Variants in RPA3 observed in about 807,000 individuals in gnomAD.
The protein encoded by RPA3 is replication protein A3, also known as replication protein A 14 kDa subunit.
In RPA3, 24 loss-of-function variants were observed where a neutral mutation model predicts 13.7. The ratio of observed to expected loss-of-function variants is 1.75; its 90% CI spans 1.27 to 2.46. The LOEUF (loss-of-function observed/expected upper bound fraction) is 2.46. Among genes scored for constraint, RPA3 ranks in the 30% most tolerant of loss-of-function variants. RPA3 has a pLI of 0.00. For missense variants in RPA3, 183 were observed against 151.0 expected (o/e 1.21, Z -1.11); for synonymous variants, 59 against 51.2 (o/e 1.15, Z -0.65).
chr7:7,690,609 A>C lies in RPA3; in HGVS notation c.-1027-3281T>G, dbSNP rs575252229. Among the ~76,000 whole-genome samples, 10 of 152,318 alleles carry C rather than the reference A, an allele frequency of 6.6e-5. No individual in the cohort carries two copies. The South Asian group carries it at 2.1e-3, about 32-fold the overall frequency. Reference sequence around the variant, plus strand: ...GAGCTAAAAGGACATCTTAGGGATAATTCTAAACAGCCACATATGTAAATA... The same window carrying C: ...GAGCTAAAAGGACATCTTAGGGATACTTCTAAACAGCCACATATGTAAATA... On this transcript the variant is annotated intron_variant, in intron 2 of 7. Coordinates refer to ENST00000223129, the MANE Select transcript of RPA3 (RefSeq NM_002947.5).
intron 2 of RPA3, among the ~76,000 whole-genome samples, chr7:7,714,943 AAAC>A (rs920648661): frequency 1.1e-4 from 16 of 151,498 alleles, no homozygotes; most frequent in East Asian, 3.9e-4. Context: ...CACTAGAATT[AAAC>A]AACAACAACA....
At chr7:7,686,777 G>A (rs1038380586) in intron 3 of RPA3, among the ~76,000 whole-genome samples, 2 of 152,144 alleles carry the variant, frequency 1.3e-5, no homozygotes, top group African/African-American at 4.8e-5. Flanking sequence ...TTCCAGTTAG[G>A]TGTGAAGATT....
intron 4 of RPA3, among the ~76,000 whole-genome samples, chr7:7,655,798 T>C (rs1394849084): frequency 6.6e-6 from 1 of 150,594 alleles, no homozygotes; most frequent in Non-Finnish European, 1.5e-5. Context: ...AGGTATATAG[T>C]AAGTGTATAT....
intron 4 of RPA3, among the ~76,000 whole-genome samples, chr7:7,656,049 G>T (rs561682650): frequency 6.6e-6 from 1 of 152,124 alleles, no homozygotes; most frequent in South Asian, 2.1e-4. Context: ...TGGTCAGGCT[G>T]GTCTCAAACT....
chr7:7,683,709 G>A (rs13228561), intron 4 of RPA3, among the ~76,000 whole-genome samples: 9 of 151,636 alleles, frequency 5.9e-5, no homozygotes, highest in African/African-American at 2.2e-4. Context: ...TGCAATCTCC[G>A]CCTCCTGGGT....
chr7:7,677,925 G>A (rs913959194), intron 4 of RPA3, among the ~76,000 whole-genome samples: 16 of 151,662 alleles, frequency 1.1e-4, no homozygotes, highest in Admixed American at 5.2e-4. Flanking sequence ...CGCCCGCCTC[G>A]GCCTCCCAAA....
At chr7:7,669,795 A>C (rs1191147752) in intron 4 of RPA3, among the ~76,000 whole-genome samples, 1 of 152,136 alleles carries the variant, frequency 6.6e-6, no homozygotes, top group East Asian at 1.9e-4. Context: ...AACTGTCTGA[A>C]ATTATCCAAA....
chr7:7,659,160 T>C (rs1271340704), intron 4 of RPA3, among the ~76,000 whole-genome samples: 1 of 152,230 alleles, frequency 6.6e-6, no homozygotes, highest in Admixed American at 6.5e-5. Context: ...ATCCCCTTTA[T>C]CATTTTTTAT....
chr7:7,685,752 T>C (rs1482865178), intron 4 of RPA3, 78 bp downstream of exon 4: 1 of 152,238 alleles, frequency 6.6e-6, no homozygotes, highest in Non-Finnish European at 1.5e-5. Flanking sequence ...TTTAATAAAC[T>C]TTCACTCCTG....
At chr7:7,658,936 G>C (rs915315957) in intron 4 of RPA3, among the ~76,000 whole-genome samples, 2 of 152,072 alleles carry the variant, frequency 1.3e-5, no homozygotes, top group African/African-American at 4.8e-5. Flanking sequence ...ATCTGTTCCT[G>C]GACTTTTTTT....
At chr7:7,683,211 G>C (rs2115125005) in intron 4 of RPA3, among the ~76,000 whole-genome samples, 1 of 152,206 alleles carries the variant, frequency 6.6e-6, no homozygotes, top group East Asian at 1.9e-4. Context: ...GTAAATTAGG[G>C]ATCTATCTCT....
At chr7:7,702,503 A>G (rs1780485268) in intron 2 of RPA3, among the ~76,000 whole-genome samples, 1 of 152,192 alleles carries the variant, frequency 6.6e-6, no homozygotes, top group Non-Finnish European at 1.5e-5. Flanking sequence ...TATAAAATTC[A>G]GGTGTTCTTT....
At chr7:7,652,574 T>C (rs1048630853) in intron 4 of RPA3, among the ~76,000 whole-genome samples, 7 of 152,208 alleles carry the variant, frequency 4.6e-5, no homozygotes, top group African/African-American at 1.7e-4. Context: ...TTTGTGCCCA[T>C]TGACATTGTG....
At chr7:7,690,991 G>A (rs1780160388) in intron 2 of RPA3, among the ~76,000 whole-genome samples, 2 of 151,998 alleles carry the variant, frequency 1.3e-5, no homozygotes, top group South Asian at 4.1e-4. Flanking sequence ...CTCCTTCTAG[G>A]TCTCCAAAGT....
chr7:7,643,226 G>A (rs1000822027), intron 4 of RPA3, among the ~76,000 whole-genome samples: 13 of 152,180 alleles, frequency 8.5e-5, no homozygotes, highest in African/African-American at 3.1e-4. Context: ...AGCTTCCTGG[G>A]CATGCATATT....
At chr7:7,699,020 A>C (rs980786439) in intron 2 of RPA3, among the ~76,000 whole-genome samples, 1 of 144,362 alleles carries the variant, frequency 6.9e-6, no homozygotes, top group African/African-American at 2.6e-5. Context: ...ATGCCCAGTT[A>C]ATTTTTATAT....
At chr7:7,641,389 C>T (rs7792009) in intron 4 of RPA3, 38,142 of 152,148 alleles carry the variant, frequency 0.25, 6,358 homozygotes, top group East Asian at 0.75. Context: ...GTTCCCCGAG[C>T]TAGGGTTCTC....
intron 4 of RPA3, among the ~76,000 whole-genome samples, chr7:7,651,499 C>T (rs1488671226): frequency 6.6e-6 from 1 of 152,226 alleles, no homozygotes; most frequent in Non-Finnish European, 1.5e-5. Context: ...TCGTATTTTC[C>T]TGCCTCCTGT....
At chr7:7,672,746 A>C (rs138871779) in intron 4 of RPA3, among the ~76,000 whole-genome samples, 4 of 152,094 alleles carry the variant, frequency 2.6e-5, no homozygotes, top group African/African-American at 9.7e-5. Context: ...AGTCAATTAA[A>C]TCTCCTTTCT....
Sources: gnomAD v4.1 joint callset for allele counts (sites outside exome capture counted in the v4.1 genomes callset) on GRCh38, gnomAD v4.1.1 for gene constraint, MANE v1.5 for transcripts, NCBI Gene and HGNC (gene_info 2026-07-23, HGNC 2026-07-21) for gene names.